The following PLIN4 variants were observed in gnomAD, a reference collection of about 807,000 sequenced individuals.
PLIN4 encodes perilipin-4.
A neutral mutation model predicts 52.4 loss-of-function variants in PLIN4; 57 were observed. The observed-to-expected ratio is 1.09, with a 90% confidence interval of 0.88 to 1.36. The LOEUF (loss-of-function observed/expected upper bound fraction) is 1.36, where lower values mean the gene tolerates loss of function less well. Ranked by LOEUF, PLIN4 falls within the 40% of genes most tolerant of loss-of-function variation. The probability of loss-of-function intolerance (pLI) is 0.00; values close to 1 mark genes in which losing one functional copy is unlikely to be tolerated. For synonymous variants in PLIN4, 826 were observed against 785.4 expected (o/e 1.05, Z -0.86); for missense variants, 1,757 against 1,770.3 (o/e 0.99, Z 0.13).
Position 4,504,741 on chromosome 19 carries a change from C to T in PLIN4, c.3834G>A (p.Arg1278=). 6.3e-7 allele frequency: 1 copy of T among 1,599,436 alleles called. No homozygotes were observed. Among genetic ancestry groups the T allele is most frequent in the Non-Finnish European group, 8.5e-7 (1 of 1,173,960 alleles). ...GGCCACTGTAGGCCGTGTGCAGCTG[C>T]CGGAGAAGGCCGCAGACCCTGGACA... ...GVLSRVCGLL[R]QLHTAYSGLV... is the part of the protein sequence containing the mutation. The change falls in exon 8 of 8, where the codon CGG becomes CGA. Residue 1278 remains arginine (R), a synonymous_variant. Transcript: ENST00000301286.
intron 6 of PLIN4, among the ~76,000 whole-genome samples, chr19:4,505,434 C>A (rs561131561): frequency 6.6e-6 from 1 of 152,216 alleles, no homozygotes; most frequent in Non-Finnish European, 1.5e-5. Context: ...ACAAGGTCCG[C>A]GTTCGGCCTC....
At position 4,510,477 on chromosome 19, in the gene PLIN4, G is replaced by T; in HGVS notation, c.3483C>A (p.Asp1161Glu). Residue 1161 changes from aspartate (D) to glutamate (E), a missense_variant, in exon 5 of 8, where the codon GAC becomes GAA. Coordinates refer to ENST00000301286, the MANE Select transcript of PLIN4 (RefSeq NM_001367868.2). Reference protein sequence around the residue: ...MLQNELEGLGDIFHPMNAEEQ... With the variant: ...MLQNELEGLGEIFHPMNAEEQ... ...CCTCCGCATTCATGGGGTGGAAGAT[G>T]TCCCCCAGCCCCTCCAACTCATTCT... is the stretch of plus-strand genomic sequence containing the variant. 7.0e-7 allele frequency: 1 copy of T among 1,436,990 alleles called. No homozygotes were observed. Among genetic ancestry groups the T allele is most frequent in the Non-Finnish European group, 9.2e-7 (1 of 1,092,440 alleles). The allele number at this position is 1,436,990 out of a possible 1,614,324, so 89.0% of individuals were successfully genotyped here. A position where few individuals can be genotyped will look rare whatever the true frequency, so the allele number is the denominator to read the frequency against.
rs755689482 is a variant in PLIN4 at position 4,512,183 on chromosome 19, C to T, written c.1777G>A (p.Val593Met). The T allele has an allele frequency of 1.2e-5, 20 of 1,612,066 alleles. No individual in the cohort carries two copies. The highest frequency in any genetic ancestry group is 4.4e-5 in the South Asian group (4 of 91,016). The change falls in exon 5 of 8, where the codon GTG (valine) becomes ATG (methionine). Residue 593 changes from valine to methionine, a missense_variant. Coordinates refer to ENST00000301286, the MANE Select transcript of PLIN4 (RefSeq NM_001367868.2). ...ACTGTGTCCTTGGTGCCGGTCAGCA[C>T]GGTCTTGGCTGTGTCTACACCTGTC... ...VQTGVDTAKT[V>M]LTGTKDTVTT...
chr19:4,512,710 GC>G lies in PLIN4; in HGVS notation c.1249del (p.Ala417ProfsTer6), dbSNP rs767271784. 19 of 1,554,428 alleles carry G rather than the reference GC, an allele frequency of 1.2e-5. 2 individuals are homozygous for G. Among genetic ancestry groups the G allele is most frequent in the Non-Finnish European group, 1.4e-5 (16 of 1,156,884 alleles). ...LTGAANVAKGAMQTGLNTTQN... is the reference protein window; with the variant it reads ...LTGAANVAKGXMQTGLNTTQN... ...GGTTGTGTTCAGCCCAGTTTGCATG[GC>G]CCCCTTGGCCACATTCGCTGCCCCT... On this transcript the variant is annotated frameshift_variant, in exon 5 of 8. Transcript: ENST00000301286. LOFTEE classifies it high-confidence loss of function.
In PLIN4 at chr19:4,504,576, G is replaced by A. The variant is rs779184535; in HGVS notation, c.3999C>T (p.Ser1333=). Residue 1333 remains serine, a synonymous_variant, in exon 8 of 8, where the codon AGC becomes AGT. Transcript: ENST00000301286. ...GCCAAGCCTGGTGCACACCCTCGCGGCTCTGCACCAGCCGCTCTGCGGGCA... is the reference window on the plus strand; with the variant it reads ...GCCAAGCCTGGTGCACACCCTCGCGACTCTGCACCAGCCGCTCTGCGGGCA... The part of the protein sequence containing the change: ...EELPAERLVQ[S]REGVHQAWQG... 1.2e-6 allele frequency: 2 copies of A among 1,601,340 alleles called. No homozygotes were observed. Among genetic ancestry groups the A allele is most frequent in the Admixed American group, 3.4e-5 (2 of 59,004 alleles).
rs752159016 is a variant in PLIN4, at chr19:4,513,429, C to T, written c.531G>A (p.Thr177=). The change falls in exon 5 of 8, where the codon ACG becomes ACA. Residue 177 remains threonine, a synonymous_variant. Transcript: ENST00000301286. Reference sequence around the variant, plus strand: ...TCCCTTTGGCCACATTCACTGCCCCCGTGAGCCCAGTGGACACCGTGTCCT... The same window carrying T: ...TCCCTTTGGCCACATTCACTGCCCCTGTGAGCCCAGTGGACACCGTGTCCT... ...GTKDTVSTGL[T]GAVNVAKGTV... The T allele has an allele frequency of 1.4e-5, 23 of 1,612,704 alleles. No individual in the cohort carries two copies. Among genetic ancestry groups the T allele is most frequent in the South Asian group, 1.2e-4 (11 of 91,024 alleles).
chr19:4,502,484 G>A lies in PLIN4; in HGVS notation c.*1975C>T. ...CCCTGCCCCGCACCCACGAGGCTGG[G>A]GGGTTTGATGCTTCCTGCATCTGGC... On this transcript the variant is annotated 3_prime_UTR_variant, in exon 8 of 8. Transcript: ENST00000301286. The A allele has an allele frequency of 3.5e-6, 1 of 282,548 alleles. No individual in the cohort carries two copies. Among genetic ancestry groups the A allele is most frequent in the Non-Finnish European group, 6.7e-6 (1 of 148,504 alleles). 17.5% of individuals were successfully genotyped at this position (282,548 alleles called of 1,614,324 possible).
chr19:4,508,602 C>G (rs563738045), intron 6 of PLIN4, among the ~76,000 whole-genome samples, 166 bp downstream of exon 6: 1 of 152,232 alleles, frequency 6.6e-6, no homozygotes, highest in Non-Finnish European at 1.5e-5. Flanking sequence ...CTAGCTCCGT[C>G]CCCCTTGCCA....
chr19:4,502,655 G>A lies in PLIN4; in HGVS notation c.*1804C>T, dbSNP rs917536003. The stretch of plus-strand genomic sequence containing the variant: ...CAGCGTTCAGGGAGCATGGGCCTCA[G>A]GGGCCAGCCTCGACTCACCCCAGCT... On this transcript the variant is annotated 3_prime_UTR_variant, in exon 8 of 8. Transcript: ENST00000301286. 3 of 181,896 alleles carry A rather than the reference G, an allele frequency of 1.6e-5. No homozygotes were observed. In the South Asian group the frequency reaches 3.4e-4, roughly 21 times the overall value. 11.3% of individuals were successfully genotyped at this position (181,896 alleles called of 1,614,324 possible). A position where few individuals can be genotyped will look rare whatever the true frequency, so the allele number is the denominator to read the frequency against.
At position 4,512,944 on chromosome 19, in the gene PLIN4, C is replaced by T. The variant is rs1976467148; in HGVS notation, c.1016G>A (p.Ser339Asn). Residue 339 changes from serine to asparagine, a missense_variant, in exon 5 of 8, where the codon AGT becomes AAT. Physicochemically the swap from Ser to Asn is conservative, Grantham distance 46. This residue lies in a region of PLIN4 where 99 missense variants were observed against 143.4 expected (regional missense o/e 0.69). Transcript: ENST00000301286. The part of the protein sequence containing the change: ...VLTGTKDTVC[S>N]GVTGAMNVAK... ...CACATTCATGGCACCAGTCACCCCA[C>T]TACAGACGGTGTCCTTGGTACCTGT... 1 of 807,134 alleles carries T rather than the reference C, an allele frequency of 1.2e-6. No individual in the cohort carries two copies. The highest frequency in any genetic ancestry group is 2.5e-5 in the East Asian group (1 of 40,578). 50.0% of individuals were successfully genotyped at this position (807,134 alleles called of 1,614,324 possible).
At chr19:4,509,518 G>A (rs1242331852) in intron 5 of PLIN4, among the ~76,000 whole-genome samples, 1 of 151,820 alleles carries the variant, frequency 6.6e-6, no homozygotes, top group Non-Finnish European at 1.5e-5. Flanking sequence ...GCAGCTACTC[G>A]GGAGGCTGAG....
intron 4 of PLIN4, among the ~76,000 whole-genome samples, chr19:4,514,786 G>A (rs561494998): frequency 2.0e-5 from 3 of 151,744 alleles, no homozygotes; most frequent in South Asian, 4.2e-4. Context: ...AGTGGCTCAT[G>A]CCTATAATCC....
Position 4,512,592 on chromosome 19 carries a change from G to C in PLIN4, c.1368C>G (p.Asp456Glu), listed in dbSNP as rs749597854. 5 of 1,610,032 alleles carry C rather than the reference G, an allele frequency of 3.1e-6. No individual in the cohort carries two copies. The highest frequency in any genetic ancestry group is 4.2e-6 in the Non-Finnish European group (5 of 1,178,202). Reference protein sequence around the residue: ...LARGTIQTGVDTTKIVLTGTK... With the variant: ...LARGTIQTGVETTKIVLTGTK... ...TACCAGTTAGAACGATCTTGGTGGT[G>C]TCCACGCCTGTCTGGATGGTTCCTC... is the stretch of plus-strand genomic sequence containing the variant. Residue 456 changes from aspartate to glutamate, a missense_variant, in exon 5 of 8, where the codon GAC becomes GAG. Physicochemically the swap from Asp to Glu is conservative, Grantham distance 45. Transcript: ENST00000301286.
chr19:4,513,681 G>C lies in PLIN4; in HGVS notation c.279C>G (p.Asp93Glu), dbSNP rs1976507986. The change falls in exon 5 of 8, where the codon GAC becomes GAG. Residue 93 changes from aspartate to glutamate, a missense_variant. By Grantham distance (45) the Asp-to-Glu change is conservative. Transcript: ENST00000301286. ...PSEKMVSGAK[D>E]LVCSKMSRAK... ...CCCTGGACATCTTGGAACACACCAG[G>C]TCTTTGGCCCCGGACACCATCTGCT... The C allele has an allele frequency of 6.3e-7, 1 of 1,586,722 alleles. No homozygotes were observed. Among genetic ancestry groups the C allele is most frequent in the South Asian group, 1.1e-5 (1 of 87,148 alleles).
Position 4,504,684 on chromosome 19 carries a change from C to T in PLIN4, c.3891G>A (p.Glu1297=), listed in dbSNP as rs559233009. The change falls in exon 8 of 8, where the codon GAG becomes GAA. Residue 1297 remains glutamate (E), a synonymous_variant. Transcript: ENST00000301286. ...GCGCCCGCCCCACTGGCTGCTGGAGCTCGGCGGGCAGGCCCTGGAGGCTGG... is the reference window on the plus strand; with the variant it reads ...GCGCCCGCCCCACTGGCTGCTGGAGTTCGGCGGGCAGGCCCTGGAGGCTGG... The part of the protein sequence containing the change: ...LVSSLQGLPA[E]LQQPVGRARH... The T allele has an allele frequency of 6.2e-7, 1 of 1,601,268 alleles. No individual in the cohort carries two copies.
At position 4,504,891 on chromosome 19, in the gene PLIN4, A is replaced by C. The variant is rs778444629; in HGVS notation, c.3759T>G (p.Gly1253=). 3.1e-6 allele frequency: 5 copies of C among 1,607,996 alleles called. No individual in the cohort carries two copies. The highest frequency in any genetic ancestry group is 4.2e-6 in the Non-Finnish European group (5 of 1,177,926). The change falls in exon 7 of 8, where the codon GGT becomes GGG. Residue 1253 remains glycine, a synonymous_variant. Coordinates refer to ENST00000301286, the MANE Select transcript of PLIN4 (RefSeq NM_001367868.2). ...EGQPRLDQGS[G]ASAEDAAVQE... ...GGACAGCAGCGTCCTCCGCACTGGC[A>C]CCTGAGCCCTGGTCCAGACGTGGCT...
At chr19:4,513,842 C>T in intron 4 of PLIN4, 141 bp from the exon 5 acceptor site, 1 of 1,088,810 alleles carries the variant, frequency 9.2e-7, no homozygotes, top group South Asian at 1.8e-5. Context: ...AAAAAGCAAG[C>T]TGCTTCCTCC....
chr19:4,514,117 G>C (rs543527558), intron 4 of PLIN4, among the ~76,000 whole-genome samples: 1 of 152,186 alleles, frequency 6.6e-6, no homozygotes, highest in African/African-American at 2.4e-5. Context: ...GTTGAGCCTG[G>C]CGTCCCAGGG....
intron 3 of PLIN4, 45 bp downstream of exon 3, chr19:4,517,509 C>T (rs568154001): frequency 2.6e-5 from 41 of 1,577,802 alleles, no homozygotes; most frequent in Non-Finnish European, 3.5e-5. Flanking sequence ...CTCCCAGGTC[C>T]ATGTGTAGAG....
Sources: allele counts gnomAD v4.1 joint callset (sites outside exome capture counted in the v4.1 genomes callset), GRCh38; gene constraint gnomAD v4.1.1; regional missense constraint gnomAD v4.1.1; transcripts MANE v1.5; gene names NCBI Gene and HGNC (gene_info 2026-07-23, HGNC 2026-07-21).